The following USP53 variants were observed in gnomAD, a reference collection of about 807,000 sequenced individuals.
USP53 encodes ubiquitin specific peptidase 53.
In USP53, 71 loss-of-function variants were observed where a neutral mutation model predicts 94.9. That is an observed-to-expected ratio of 0.75 (90% CI 0.62 to 0.91). USP53 has a LOEUF of 0.91. Among genes scored for constraint, USP53 ranks in the 40% least tolerant of loss-of-function variants. The probability of loss-of-function intolerance (pLI) is 0.00; values close to 1 mark genes in which losing one functional copy is unlikely to be tolerated. For missense variants in USP53, 1,173 were observed against 1,281.0 expected (o/e 0.92, Z 1.29); for synonymous variants, 375 against 422.7 (o/e 0.89, Z 1.39).
chr4:119,239,884 T>C lies in USP53; in HGVS notation c.125T>C (p.Phe42Ser). Reference protein sequence around the residue: ...LLNEPGQNSCFLNSAVQVLWQ... With the variant: ...LLNEPGQNSCSLNSAVQVLWQ... ...AATGAACCAGGACAAAACAGCTGCT[T>C]TCTTAATAGCGCTGTACAGGTGAGA... The change falls in exon 5 of 19, where the codon TTT (phenylalanine) becomes TCT (serine). Residue 42 changes from phenylalanine (F) to serine (S), a missense_variant. Transcript: ENST00000692078. 1 of 1,605,806 alleles carries C rather than the reference T, an allele frequency of 6.2e-7. No individual in the cohort carries two copies. The highest frequency in any genetic ancestry group is 8.5e-7 in the Non-Finnish European group (1 of 1,176,542).
At chr4:119,284,657 T>G (rs886414515) in intron 17 of USP53, among the ~76,000 whole-genome samples, 10 of 151,824 alleles carry the variant, frequency 6.6e-5, no homozygotes, top group Non-Finnish European at 1.5e-4. Context: ...TATTTCCAAG[T>G]AAAAAGTTAA....
At chr4:119,260,348 T>A (rs1750335807) in intron 10 of USP53, among the ~76,000 whole-genome samples, 159 bp from the exon 11 acceptor site, 1 of 152,172 alleles carries the variant, frequency 6.6e-6, no homozygotes, top group Non-Finnish European at 1.5e-5. Flanking sequence ...ACTTCTTTTT[T>A]AATCAATAAT....
chr4:119,256,186 T>C (rs1578489938), intron 7 of USP53, 60 bp from the exon 8 acceptor site: 2 of 1,222,674 alleles, frequency 1.6e-6, no homozygotes, highest in Non-Finnish European at 1.2e-6. Context: ...TAAAGAGTTA[T>C]ATTTTGCTGT....
intron 17 of USP53, among the ~76,000 whole-genome samples, chr4:119,286,323 G>A (rs2149473073): frequency 6.6e-6 from 1 of 151,116 alleles, no homozygotes; most frequent in Non-Finnish European, 1.5e-5. Flanking sequence ...TTTGTATACA[G>A]AATCAAAATG....
intron 7 of USP53, among the ~76,000 whole-genome samples, chr4:119,249,269 G>GGGGATTCTGGT (rs1553967873): frequency 6.6e-6 from 1 of 152,112 alleles, no homozygotes; most frequent in Admixed American, 6.5e-5. Context: ...TGGGAGAGAA[G>GGGGATTCTGGT]GGGATTTTGG....
intron 17 of USP53, among the ~76,000 whole-genome samples, chr4:119,290,178 C>G (rs1046853542): frequency 1.1e-4 from 17 of 152,106 alleles, no homozygotes; most frequent in African/African-American, 4.1e-4. Flanking sequence ...CCTTTAGGTT[C>G]TAATCAATAG....
At chr4:119,289,118 A>G (rs1160738071) in intron 17 of USP53, among the ~76,000 whole-genome samples, 1 of 152,194 alleles carries the variant, frequency 6.6e-6, no homozygotes. Context: ...AGTTTTCTTC[A>G]AACAGGTGTC....
rs773392157 is a variant in USP53 at position 119,273,649 on chromosome 4, G to A, written c.2192G>A (p.Ser731Asn). 3 of 1,612,620 alleles carry A rather than the reference G, an allele frequency of 1.9e-6. No homozygotes were observed. The highest frequency in any genetic ancestry group is 3.3e-5 in the Admixed American group (2 of 59,956). Reference protein sequence around the residue: ...TVCFSDQITTSNLNKERGDCT... With the variant: ...TVCFSDQITTNNLNKERGDCT... ...TTTTCTAGTGACCAGATTACGACAA[G>A]CAACCTAAATAAAGAACGTGGGGAC... is the stretch of plus-strand genomic sequence containing the variant. The change falls in exon 17 of 19, where the codon AGC (serine) becomes AAC (asparagine). Residue 731 changes from serine to asparagine, a missense_variant. Physicochemically the swap from Ser to Asn is conservative, Grantham distance 46 (BLOSUM62 1). Coordinates refer to ENST00000692078, the MANE Select transcript of USP53 (RefSeq NM_001371395.1).
chr4:119,222,904 T>G (rs1372037089), intron 3 of USP53, among the ~76,000 whole-genome samples: 2 of 152,152 alleles, frequency 1.3e-5, no homozygotes, highest in African/African-American at 4.8e-5. Flanking sequence ...TTTTTATAAT[T>G]ATTTTTATGA....
chr4:119,268,174 A>G, intron 13 of USP53, 94 bp from the exon 14 acceptor site: 1 of 180,640 alleles, frequency 5.5e-6, no homozygotes, highest in Non-Finnish European at 7.7e-6. Context: ...ACTCCGTCTC[A>G]AAAAAAAAAA....
At chr4:119,284,305 C>G (rs934034063) in intron 17 of USP53, among the ~76,000 whole-genome samples, 3 of 151,076 alleles carry the variant, frequency 2.0e-5, no homozygotes, top group African/African-American at 7.3e-5. Flanking sequence ...AAAAAAAAAC[C>G]CTATTATTAA....
At position 119,293,121 on chromosome 4, in the gene USP53, C is replaced by T. The variant is rs745594154; in HGVS notation, c.3132C>T (p.Cys1044=). 1.2e-5 allele frequency: 19 copies of T among 1,613,744 alleles called. No individual in the cohort carries two copies. The highest frequency in any genetic ancestry group is 1.4e-5 in the Non-Finnish European group (17 of 1,179,908). Reference sequence around the variant, plus strand: ...CTACCTATTTTTCAGTTGATAGCTGCATGACGGATACATATAGATTGAAAT... The same window carrying T: ...CTACCTATTTTTCAGTTGATAGCTGTATGACGGATACATATAGATTGAAAT... The part of the protein sequence containing the change: ...SLTTYFSVDS[C]MTDTYRLKYH... The change falls in exon 19 of 19, where the codon TGC becomes TGT. Residue 1044 remains cysteine (C), a synonymous_variant. Transcript: ENST00000692078.
chr4:119,249,269 G>C (rs756725088), intron 7 of USP53, among the ~76,000 whole-genome samples: 5 of 152,112 alleles, frequency 3.3e-5, no homozygotes, highest in Non-Finnish European at 5.9e-5. Flanking sequence ...TGGGAGAGAA[G>C]GGGATTTTGG....
intron 3 of USP53, among the ~76,000 whole-genome samples, chr4:119,223,001 C>T (rs1277258669): frequency 1.3e-5 from 2 of 152,070 alleles, no homozygotes; most frequent in African/African-American, 2.4e-5. Context: ...GTTATACATA[C>T]AGTTACTTTG....
chr4:119,251,234 T>C (rs1380364815), intron 7 of USP53, among the ~76,000 whole-genome samples: 19 of 152,200 alleles, frequency 1.2e-4, no homozygotes, highest in Admixed American at 1.2e-3. Flanking sequence ...GGACATGAAC[T>C]CATCCTTTTT....
chr4:119,251,458 T>TAG (rs1436748866), intron 7 of USP53, among the ~76,000 whole-genome samples: 24 of 152,298 alleles, frequency 1.6e-4, no homozygotes, highest in Middle Eastern at 3.4e-3. Flanking sequence ...TTTCCAGTTC[T>TAG]AGGTCCTTGA....
At chr4:119,282,708 G>C (rs114982877) in intron 17 of USP53, among the ~76,000 whole-genome samples, 1 of 141,830 alleles carries the variant, frequency 7.1e-6, no homozygotes, top group Non-Finnish European at 1.6e-5. Flanking sequence ...ATGTGGAAAA[G>C]TGATATAGGA....
rs1750363321 is a variant in USP53 at position 119,260,524 on chromosome 4, A to C, written c.693A>C (p.Lys231Asn). The part of the protein sequence containing the change: ...YRKCPSNCGQ[K>N]IKIRRVLMNC... ...TTCTGTAGAGTAACTGTGGCCAAAAAATAAAAATTCGCCGTGTTTTAATGA... is the reference window on the plus strand; with the variant it reads ...TTCTGTAGAGTAACTGTGGCCAAAACATAAAAATTCGCCGTGTTTTAATGA... Residue 231 changes from lysine to asparagine, a missense_variant, in exon 11 of 19, where the codon AAA (lysine) becomes AAC (asparagine). Physicochemically the swap from Lys to Asn is moderately conservative, Grantham distance 94. Coordinates refer to ENST00000692078, the MANE Select transcript of USP53 (RefSeq NM_001371395.1). The C allele has an allele frequency of 1.9e-6, 3 of 1,613,646 alleles. No homozygotes were observed. Among genetic ancestry groups the C allele is most frequent in the Non-Finnish European group, 2.5e-6 (3 of 1,179,840 alleles).
chr4:119,263,921 T>G (rs965018301), intron 12 of USP53, among the ~76,000 whole-genome samples: 2 of 151,840 alleles, frequency 1.3e-5, no homozygotes, highest in African/African-American at 4.8e-5. Context: ...AATACAAAAT[T>G]TAGCATAGTG....
Sources: gnomAD v4.1 joint callset for allele counts (sites outside exome capture counted in the v4.1 genomes callset) on GRCh38, gnomAD v4.1.1 for gene constraint, MANE v1.5 for transcripts, NCBI Gene and HGNC (gene_info 2026-07-23, HGNC 2026-07-21) for gene names.